Variants in TFAP2D observed in about 807,000 individuals in gnomAD.
TFAP2D encodes transcription factor AP-2 delta, also known as transcription factor AP-2-delta.
A neutral mutation model predicts 43.6 loss-of-function variants in TFAP2D; 9 were observed. The observed-to-expected ratio is 0.21, with a 90% confidence interval of 0.12 to 0.36. TFAP2D has a LOEUF of 0.36. Ranked by LOEUF, TFAP2D falls within the 10% of genes least tolerant of loss-of-function variation. The probability of loss-of-function intolerance (pLI) is 1.00; values close to 1 mark genes in which losing one functional copy is unlikely to be tolerated. For synonymous variants in TFAP2D, 256 were observed against 224.9 expected (o/e 1.14, Z -1.24); for missense variants, 513 against 561.4 (o/e 0.91, Z 0.87).
chr6:50,763,819 A>G (rs1452849270), intron 7 of TFAP2D, among the ~76,000 whole-genome samples: 1 of 152,182 alleles, frequency 6.6e-6, no homozygotes, highest in Non-Finnish European at 1.5e-5. Context: ...TATAGGAACA[A>G]AAATGAGAGC....
chr6:50,765,463 G>T (rs9349557), intron 7 of TFAP2D, among the ~76,000 whole-genome samples: 2 of 151,882 alleles, frequency 1.3e-5, no homozygotes, highest in Admixed American at 6.6e-5. Flanking sequence ...TAATGGCTGC[G>T]CCAGTTTGCT....
chr6:50,730,127 G>A (rs1287830999), intron 5 of TFAP2D, among the ~76,000 whole-genome samples: 1 of 152,096 alleles, frequency 6.6e-6, no homozygotes, highest in Non-Finnish European at 1.5e-5. Flanking sequence ...GAACACACCT[G>A]TGTTACTTCA....
At chr6:50,741,995 A>G (rs1769053136) in intron 5 of TFAP2D, among the ~76,000 whole-genome samples, 1 of 152,122 alleles carries the variant, frequency 6.6e-6, no homozygotes, top group African/African-American at 2.4e-5. Context: ...AAATCAGTCA[A>G]ACTCCTTACA....
At chr6:50,767,799 G>C (rs1015093921) in intron 7 of TFAP2D, among the ~76,000 whole-genome samples, 1 of 152,154 alleles carries the variant, frequency 6.6e-6, no homozygotes, top group South Asian at 2.1e-4. Flanking sequence ...AATAGAGCAC[G>C]TGATTACATA....
intron 2 of TFAP2D, among the ~76,000 whole-genome samples, chr6:50,716,930 A>G (rs1768637254): frequency 6.6e-6 from 1 of 152,230 alleles, no homozygotes; most frequent in African/African-American, 2.4e-5. Context: ...ACAAAGAGCC[A>G]TAGCAGTAAG....
rs754245284 is a variant in TFAP2D, at chr6:50,715,209, C to T, written c.133C>T (p.Pro45Ser). 5.0e-6 allele frequency: 8 copies of T among 1,613,896 alleles called. No homozygotes were observed. The highest frequency in any genetic ancestry group is 2.2e-5 in the East Asian group (1 of 44,856). ...CACTGTCGCCTATTCCTCCTCCTCT[C>T]CTTTAACTTACTCCACCACCGGCAC... Reference protein sequence around the residue: ...NSTVAYSSSSPLTYSTTGTEF... With the variant: ...NSTVAYSSSSSLTYSTTGTEF... Residue 45 changes from proline to serine, a missense_variant, in exon 2 of 8, where the codon CCT becomes TCT. Physicochemically the swap from Pro to Ser is moderately conservative, Grantham distance 74 (BLOSUM62 -1). This residue lies in a region of TFAP2D where 311 missense variants were observed against 316.2 expected (regional missense o/e 0.98). Coordinates refer to ENST00000008391, the MANE Select transcript of TFAP2D (RefSeq NM_172238.4).
At chr6:50,761,372 TG>T (rs1769362034) in intron 7 of TFAP2D, among the ~76,000 whole-genome samples, 2 of 151,994 alleles carry the variant, frequency 1.3e-5, no homozygotes, top group Admixed American at 1.3e-4. Flanking sequence ...TCTTCTAGTT[TG>T]TAGCATGATA....
intron 3 of TFAP2D, among the ~76,000 whole-genome samples, chr6:50,722,953 C>A (rs1167310531): frequency 6.6e-6 from 1 of 152,204 alleles, no homozygotes; most frequent in Non-Finnish European, 1.5e-5. Flanking sequence ...CTGGGCCACG[C>A]GAAGAGGGAG....
At chr6:50,729,987 GTTA>G (rs1768862166) in intron 5 of TFAP2D, among the ~76,000 whole-genome samples, 1 of 151,990 alleles carries the variant, frequency 6.6e-6, no homozygotes, top group South Asian at 2.1e-4. Flanking sequence ...TTTAAGGAGA[GTTA>G]TTATTGAAAG....
intron 5 of TFAP2D, among the ~76,000 whole-genome samples, chr6:50,739,041 G>A (rs1239105928): frequency 1.3e-5 from 2 of 152,130 alleles, no homozygotes; most frequent in Non-Finnish European, 2.9e-5. Context: ...CAGATGCCCT[G>A]GCACCAGAGA....
At chr6:50,723,933 C>A (rs1768768643) in intron 3 of TFAP2D, among the ~76,000 whole-genome samples, 1 of 152,134 alleles carries the variant, frequency 6.6e-6, no homozygotes, top group Non-Finnish European at 1.5e-5. Context: ...TGCCTGGAAT[C>A]TACAAAAGGA....
At chr6:50,735,857 G>A (rs570448720) in intron 5 of TFAP2D, among the ~76,000 whole-genome samples, 5 of 152,276 alleles carry the variant, frequency 3.3e-5, no homozygotes, top group Admixed American at 6.5e-5. Flanking sequence ...TGTGACTTTG[G>A]AAAGAAGTAT....
chr6:50,714,733 A>G (rs1028424067), intron 1 of TFAP2D, among the ~76,000 whole-genome samples: 21 of 151,998 alleles, frequency 1.4e-4, no homozygotes. Flanking sequence ...TTCCTCTGCT[A>G]CCCGCGGCCC....
chr6:50,765,590 A>C (rs1458831302), intron 7 of TFAP2D, among the ~76,000 whole-genome samples: 1 of 152,120 alleles, frequency 6.6e-6, no homozygotes, highest in Non-Finnish European at 1.5e-5. Flanking sequence ...TTGTAGTTTT[A>C]ATTTGTGTAT....
At chr6:50,742,060 G>C (rs939710499) in intron 5 of TFAP2D, among the ~76,000 whole-genome samples, 3 of 152,010 alleles carry the variant, frequency 2.0e-5, no homozygotes, top group Admixed American at 2.0e-4. Flanking sequence ...TAAACCTGTT[G>C]ACTAAGACAT....
chr6:50,738,795 C>G (rs906198715), intron 5 of TFAP2D, among the ~76,000 whole-genome samples: 2 of 152,178 alleles, frequency 1.3e-5, no homozygotes, highest in African/African-American at 4.8e-5. Context: ...CTATAGAGTT[C>G]ATACCATATT....
At chr6:50,766,063 C>T (rs2206275) in intron 7 of TFAP2D, among the ~76,000 whole-genome samples, 1 of 151,870 alleles carries the variant, frequency 6.6e-6, no homozygotes, top group Admixed American at 6.6e-5. Flanking sequence ...GATAAGGATC[C>T]AATTTTACTT....
chr6:50,725,396 C>G (rs1371623133), intron 3 of TFAP2D, among the ~76,000 whole-genome samples: 1 of 152,126 alleles, frequency 6.6e-6, no homozygotes, highest in African/African-American at 2.4e-5. Flanking sequence ...AGCCCTATCT[C>G]CAAATTCCAA....
rs1166289490 is a variant in TFAP2D at position 50,743,989 on chromosome 6, C to T, written c.884-1118C>T. ...CCCATTACTTCTACCTAGCACTGTGCCTTGAATAAGGTAGGTGAGTAGATG... is the reference window on the plus strand; with the variant it reads ...CCCATTACTTCTACCTAGCACTGTGTCTTGAATAAGGTAGGTGAGTAGATG... On this transcript the variant is annotated intron_variant, in intron 5 of 7. Coordinates refer to ENST00000008391, the MANE Select transcript of TFAP2D (RefSeq NM_172238.4). Among the ~76,000 whole-genome samples, 4 of 152,040 alleles carry T rather than the reference C, an allele frequency of 2.6e-5. No homozygotes were observed. In the East Asian group the frequency reaches 7.7e-4, roughly 29 times the overall value.
Sources: allele counts gnomAD v4.1 joint callset (sites outside exome capture counted in the v4.1 genomes callset), GRCh38; gene constraint gnomAD v4.1.1; regional missense constraint gnomAD v4.1.1; transcripts MANE v1.5; gene names NCBI Gene and HGNC (gene_info 2026-07-23, HGNC 2026-07-21).